The following HSD17B10 variants were observed in gnomAD, a reference collection of about 807,000 sequenced individuals.
HSD17B10 encodes the protein hydroxysteroid 17-beta dehydrogenase 10, also known as 3-hydroxyacyl-CoA dehydrogenase type-2.
For missense variants in HSD17B10, 87 were observed against 219.4 expected, an observed-to-expected ratio of 0.40 and a Z score of 3.81; for synonymous variants, 90 against 85.9, an observed-to-expected ratio of 1.05 and a Z score of -0.26.
At chrX:53,433,619 G>C (rs1556894867) in intron 2 of HSD17B10, 103 bp downstream of exon 2, 1 of 760,153 alleles carries the variant, frequency 1.3e-6, no homozygotes, top group African/African-American at 2.1e-5. Flanking sequence ...TGGGTCTACC[G>C]CCCCCATAGA....
chrX:53,431,775 A>G lies in HSD17B10; in HGVS notation c.595+23T>C, dbSNP rs1416149574. 4 of 1,156,992 alleles carry G rather than the reference A, an allele frequency of 3.5e-6. No individual in the cohort carries two copies. The African/African-American group carries it at 5.4e-5, about 16-fold the overall frequency. ...TGGATCCCACCCAATCCCAGGTATG[A>G]TGGAGAGAGGGGATATGTCTACCTG... On this transcript the variant is annotated intron_variant, in intron 5 of 5. Coordinates refer to ENST00000168216, the MANE Select transcript of HSD17B10 (RefSeq NM_004493.3).
At chrX:53,432,148 C>T in intron 3 of HSD17B10, 32 bp from the exon 4 acceptor site, 1 of 1,211,161 alleles carries the variant, frequency 8.3e-7, no homozygotes, top group Non-Finnish European at 1.1e-6. Context: ...GCTATAGGAC[C>T]TGAGGCAGAA....
intron 1 of HSD17B10, 132 bp downstream of exon 1, chrX:53,434,187 C>A: frequency 7.7e-6 from 6 of 782,408 alleles, no homozygotes; most frequent in Middle Eastern, 2.8e-4. Flanking sequence ...CCTCTTGAGC[C>A]CAACGGCCAC....
chrX:53,433,657 A>G (rs1941047602), intron 2 of HSD17B10, 65 bp downstream of exon 2: 5 of 1,057,480 alleles, frequency 4.7e-6, no homozygotes, highest in Non-Finnish European at 6.5e-6. Flanking sequence ...GGACCCCCAC[A>G]GGTTCCCAGG....
chrX:53,432,987 C>T (rs2075831808), intron 2 of HSD17B10: 1 of 140,604 alleles, frequency 7.1e-6, no homozygotes, highest in African/African-American at 3.2e-5. Flanking sequence ...GATCAGAGCA[C>T]TAATGCAACC....
At position 53,433,724 on chromosome X, in the gene HSD17B10, C is replaced by T. The variant is rs1556894910; in HGVS notation, c.190G>A (p.Asp64Asn). 3 of 1,203,235 alleles carry T rather than the reference C, an allele frequency of 2.5e-6. No homozygotes were observed. In the Admixed American group the frequency reaches 6.7e-5, roughly 27 times the overall value. ...LGNNCVFAPA[D>N]VTSEKDVQTA... The stretch of plus-strand genomic sequence containing the variant: ...AGAGGAGAGGTGACCCCACTTACGT[C>T]GGCTGGGGCGAAAACGCAGTTGTTT... Residue 64 changes from aspartate to asparagine, a missense_variant and splice_region_variant, in exon 2 of 6, where the codon GAC (aspartate) becomes AAC (asparagine). By Grantham distance (23) the Asp-to-Asn change is conservative (BLOSUM62 1). Coordinates refer to ENST00000168216, the MANE Select transcript of HSD17B10 (RefSeq NM_004493.3).
Position 53,431,886 on chromosome X carries a change from A to C in HSD17B10, c.507T>G (p.Ser169=). 1 of 1,210,906 alleles carries C rather than the reference A, an allele frequency of 8.3e-7. No individual in the cohort carries two copies. Among genetic ancestry groups the C allele is most frequent in the Non-Finnish European group, 1.1e-6 (1 of 894,757 alleles). The change falls in exon 5 of 6, where the codon TCT becomes TCG. Residue 169 remains serine, a synonymous_variant. Transcript: ENST00000168216. ...TGCCCACTATTCCCCCCTTGGAAGC[A>C]GAGTATGCAGCTTGTCCAACCTGGA... The part of the protein sequence containing the change: ...FEGQVGQAAY[S]ASKGGIVGMT...
At chrX:53,433,910 G>A in intron 1 of HSD17B10, 24 bp from the exon 2 acceptor site, 1 of 1,203,794 alleles carries the variant, frequency 8.3e-7, no homozygotes, top group Non-Finnish European at 1.1e-6. Flanking sequence ...CATGGTCAGG[G>A]TCAGCTGTTA....
chrX:53,434,049 C>T, intron 1 of HSD17B10, 163 bp from the exon 2 acceptor site: 1 of 619,470 alleles, frequency 1.6e-6, no homozygotes, highest in African/African-American at 2.2e-5. Flanking sequence ...AGCGTTGGGA[C>T]CTCGGGGGCA....
At chrX:53,432,679 GTC>G (rs2075830064) in intron 2 of HSD17B10, 1 of 350,877 alleles carries the variant, frequency 2.8e-6, no homozygotes, top group Non-Finnish European at 5.1e-6. Flanking sequence ...GTGAAAACCC[GTC>G]TCTACTAAAA....
intron 3 of HSD17B10, 58 bp downstream of exon 3, chrX:53,432,188 TC>T: frequency 5.8e-6 from 7 of 1,204,146 alleles, no homozygotes; most frequent in Non-Finnish European, 7.9e-6. Flanking sequence ...AACTTTGGGG[TC>T]CTCCACAGCC....
chrX:53,432,518 A>G (rs2075829101), intron 2 of HSD17B10, 107 bp from the exon 3 acceptor site: 1 of 682,455 alleles, frequency 1.5e-6, no homozygotes, highest in Admixed American at 2.4e-5. Context: ...GTGAGAAGAG[A>G]TTTGTGAGAA....
intron 1 of HSD17B10, 190 bp downstream of exon 1, chrX:53,434,129 T>C (rs781973435): frequency 2.7e-4 from 150 of 565,879 alleles, no homozygotes; most frequent in South Asian, 5.2e-4. Context: ...GATAGATAGA[T>C]AGACAGACAG....
At chrX:53,434,114 T>A (rs1312315158) in intron 1 of HSD17B10, 12 of 560,180 alleles carry the variant, frequency 2.1e-5, no homozygotes, top group Middle Eastern at 3.4e-4. Context: ...GATAGATGAT[T>A]GATAGATAGA....
chrX:53,431,720 T>G, intron 5 of HSD17B10, 78 bp downstream of exon 5: 2 of 1,016,009 alleles, frequency 2.0e-6, no homozygotes, highest in Non-Finnish European at 2.7e-6. Flanking sequence ...GCTGCTTAGG[T>G]GGTGGATACC....
chrX:53,433,247 A>C (rs1259808350), intron 2 of HSD17B10, among the ~76,000 whole-genome samples: 3 of 112,135 alleles, frequency 2.7e-5, no homozygotes, highest in Non-Finnish European at 5.6e-5. Flanking sequence ...AGGAGCTGAG[A>C]TTGTGCCACT....
At chrX:53,431,661 T>C (rs782679796) in intron 5 of HSD17B10, 67 bp from the exon 6 acceptor site, 10 of 1,063,821 alleles carry the variant, frequency 9.4e-6, no homozygotes, top group South Asian at 7.9e-5. Flanking sequence ...TTCCTTACTT[T>C]AGCCCTACTT....
intron 2 of HSD17B10, chrX:53,432,895 T>C (rs1393710845): frequency 6.2e-5 from 7 of 112,159 alleles, no homozygotes; most frequent in East Asian, 6.1e-4. Flanking sequence ...TTAGGTAATA[T>C]AGAGCAGTGT....
intron 5 of HSD17B10, 99 bp from the exon 6 acceptor site, chrX:53,431,693 A>T: frequency 9.8e-7 from 1 of 1,019,884 alleles, no homozygotes. Context: ...TCTGGGGCCC[A>T]AAGATAAAAG....
Sources: allele counts gnomAD v4.1 joint callset (sites outside exome capture counted in the v4.1 genomes callset), GRCh38; gene constraint gnomAD v4.1.1; transcripts MANE v1.5; gene names NCBI Gene and HGNC (gene_info 2026-07-23, HGNC 2026-07-21).